The following NRCAM variants were observed in gnomAD, a reference collection of about 807,000 sequenced individuals.
NRCAM encodes the protein NgCAM-related cell adhesion molecule.
NRCAM carries 83 observed loss-of-function variants against 156.5 expected under a neutral mutation model. That is an observed-to-expected ratio of 0.53 (90% CI 0.44 to 0.64). The LOEUF (loss-of-function observed/expected upper bound fraction) is 0.64. NRCAM is among the 30% of genes least tolerant of loss of function. The pLI is 0.00. For synonymous variants in NRCAM, 538 were observed against 563.9 expected (o/e 0.95, Z 0.65); for missense variants, 1,417 against 1,597.3 (o/e 0.89, Z 1.92).
chr7:108,179,773 T>C (rs2062508625), intron 25 of NRCAM, among the ~76,000 whole-genome samples: 1 of 152,202 alleles, frequency 6.6e-6, no homozygotes, highest in South Asian at 2.1e-4. Flanking sequence ...AAAAGAGCAC[T>C]AAGAAAGAAA....
chr7:108,156,694 T>C (rs1488037762), intron 32 of NRCAM: 1 of 152,128 alleles, frequency 6.6e-6, no homozygotes, highest in Non-Finnish European at 1.5e-5. Context: ...ACCTAGGCAA[T>C]AGTCCTAATT....
chr7:108,378,126 A>G (rs2099684145), intron 2 of NRCAM, among the ~76,000 whole-genome samples: 1 of 152,212 alleles, frequency 6.6e-6, no homozygotes, highest in Admixed American at 6.5e-5. Flanking sequence ...ATGAGAAAGA[A>G]CCAGCAGAAT....
intron 32 of NRCAM, chr7:108,159,256 T>C (rs751303426): frequency 1.4e-6 from 1 of 718,526 alleles, no homozygotes; most frequent in Non-Finnish European, 2.6e-6. Flanking sequence ...TCCAAAATTA[T>C]GACTAAAATC....
At chr7:108,292,388 T>C (rs985470036) in intron 3 of NRCAM, among the ~76,000 whole-genome samples, 1 of 152,228 alleles carries the variant, frequency 6.6e-6, no homozygotes, top group Admixed American at 6.5e-5. Flanking sequence ...TTTCCAGTGT[T>C]AGAATACTGA....
intron 1 of NRCAM, among the ~76,000 whole-genome samples, chr7:108,421,533 A>G (rs765580811): frequency 1.3e-5 from 2 of 152,218 alleles, no homozygotes; most frequent in African/African-American, 4.8e-5. Flanking sequence ...AAGGAAAAGT[A>G]TTATTCATGA....
chr7:108,278,539 C>A (rs2097732413), intron 3 of NRCAM, among the ~76,000 whole-genome samples: 1 of 152,214 alleles, frequency 6.6e-6, no homozygotes, highest in African/African-American at 2.4e-5. Context: ...GTGAGCAATG[C>A]TCCGTGGGCG....
At chr7:108,167,899 G>C (rs1314898375) in intron 29 of NRCAM, among the ~76,000 whole-genome samples, 1 of 152,090 alleles carries the variant, frequency 6.6e-6, no homozygotes, top group African/African-American at 2.4e-5. Context: ...AAGTCAGTTT[G>C]ATTTCTGTTA....
chr7:108,375,877 G>A (rs545906113), intron 2 of NRCAM, among the ~76,000 whole-genome samples: 2 of 152,194 alleles, frequency 1.3e-5, no homozygotes, highest in Non-Finnish European at 2.9e-5. Context: ...AAAGAAGTAA[G>A]AGGAAGAGAA....
chr7:108,347,696 G>A (rs2099371860), intron 2 of NRCAM, among the ~76,000 whole-genome samples: 1 of 152,198 alleles, frequency 6.6e-6, no homozygotes, highest in South Asian at 2.1e-4. Flanking sequence ...GGATATGCCT[G>A]ATGAGGGGTT....
rs1162606559 is a variant in NRCAM at position 108,182,719 on chromosome 7, C to A, written c.2506G>T (p.Val836Phe). ...DMGFAPEPAV[V>F]MGHSGEDLPM... ...CGGTCTTCTCCAGAATGTCCCATGACTACAGCTGGCTCGGGGGCAAACCCC... is the reference window on the plus strand; with the variant it reads ...CGGTCTTCTCCAGAATGTCCCATGAATACAGCTGGCTCGGGGGCAAACCCC... The change falls in exon 23 of 33, where the codon GTC becomes TTC. Residue 836 changes from valine (V) to phenylalanine (F), a missense_variant. Val to Phe is a conservative substitution (Grantham distance 50). Coordinates refer to ENST00000379028, the MANE Select transcript of NRCAM (RefSeq NM_001037132.4). 6 of 1,614,120 alleles carry A rather than the reference C, an allele frequency of 3.7e-6. No individual in the cohort carries two copies. The highest frequency in any genetic ancestry group is 5.1e-6 in the Non-Finnish European group (6 of 1,180,046).
At chr7:108,275,311 T>A (rs529434039) in intron 3 of NRCAM, among the ~76,000 whole-genome samples, 1 of 152,208 alleles carries the variant, frequency 6.6e-6, no homozygotes, top group African/African-American at 2.4e-5. Context: ...TCAGAAGGAA[T>A]GGTACCAGCT....
intron 13 of NRCAM, among the ~76,000 whole-genome samples, chr7:108,198,854 C>T (rs1473270797): frequency 5.9e-5 from 9 of 152,172 alleles, no homozygotes; most frequent in South Asian, 2.1e-4. Context: ...AGTATTAAAA[C>T]GTTAGGAACA....
chr7:108,210,961 T>G (rs112678164), intron 11 of NRCAM, among the ~76,000 whole-genome samples: 1 of 152,200 alleles, frequency 6.6e-6, no homozygotes, highest in East Asian at 1.9e-4. Flanking sequence ...GCAGCTCTGA[T>G]GCGGATGGAC....
intron 1 of NRCAM, among the ~76,000 whole-genome samples, chr7:108,441,824 CAT>C (rs1563826198): frequency 6.6e-6 from 1 of 152,218 alleles, no homozygotes; most frequent in Non-Finnish European, 1.5e-5. Flanking sequence ...TGTTCATTTA[CAT>C]AGTGTCTATG....
chr7:108,242,842 G>C (rs1055639969), intron 3 of NRCAM, among the ~76,000 whole-genome samples: 1 of 152,130 alleles, frequency 6.6e-6, no homozygotes, highest in Non-Finnish European at 1.5e-5. Context: ...AATTTCTGTT[G>C]TAAGTTCTTC....
chr7:108,174,524 G>A (rs2059753609), intron 28 of NRCAM, among the ~76,000 whole-genome samples: 1 of 152,214 alleles, frequency 6.6e-6, no homozygotes, highest in African/African-American at 2.4e-5. Context: ...AAGCTGACTG[G>A]TCAACCAGCA....
At chr7:108,378,577 T>C (rs928287426) in intron 2 of NRCAM, among the ~76,000 whole-genome samples, 2 of 149,640 alleles carry the variant, frequency 1.3e-5, no homozygotes, top group African/African-American at 4.9e-5. Context: ...TTCTTCAGAA[T>C]AGATGAAATA....
At position 108,147,941 on chromosome 7, in the gene NRCAM, T is replaced by TTG. The variant is rs1170042855; in HGVS notation, c.*1967_*1968dup. 2 of 152,676 alleles carry TTG rather than the reference T, an allele frequency of 1.3e-5. No homozygotes were observed. The highest frequency in any genetic ancestry group is 2.9e-5 in the Non-Finnish European group (2 of 68,046). 9.5% of individuals were successfully genotyped at this position (152,676 alleles called of 1,614,324 possible). On this transcript the variant is annotated 3_prime_UTR_variant, in exon 33 of 33. Transcript: ENST00000379028. Reference sequence around the variant, plus strand: ...GCAAATTTAAAGTAACTTTTAATCTTTGTGCTCTCTGATGCCAAGGCAAAC... The same window carrying TTG: ...GCAAATTTAAAGTAACTTTTAATCTTTGTGTGCTCTCTGATGCCAAGGCAAAC...
chr7:108,404,520 C>G (rs1162255513), intron 1 of NRCAM, among the ~76,000 whole-genome samples: 3 of 152,182 alleles, frequency 2.0e-5, no homozygotes, highest in Admixed American at 6.5e-5. Context: ...AATGGCTCAT[C>G]ATAGCTAGTA....
Sources: allele counts gnomAD v4.1 joint callset (sites outside exome capture counted in the v4.1 genomes callset), GRCh38; gene constraint gnomAD v4.1.1; transcripts MANE v1.5; gene names NCBI Gene and HGNC (gene_info 2026-07-23, HGNC 2026-07-21).